The following SASH1 variants were observed in gnomAD, a reference collection of about 807,000 sequenced individuals.
SASH1 encodes the protein SAM and SH3 domain-containing protein 1.
In SASH1, 44 loss-of-function variants were observed where a neutral mutation model predicts 125.2. That is an observed-to-expected ratio of 0.35 (90% CI 0.28 to 0.45). SASH1 has a LOEUF of 0.45. SASH1 is among the 20% of genes least tolerant of loss of function. The probability of loss-of-function intolerance (pLI) is 1.00; values close to 1 mark genes in which losing one functional copy is unlikely to be tolerated. For missense variants in SASH1, 1,426 were observed against 1,614.5 expected (o/e 0.88, Z 2.00); for synonymous variants, 639 against 649.1 (o/e 0.98, Z 0.24).
chr6:148,442,512 C>T (rs1162545450), intron 4 of SASH1, among the ~76,000 whole-genome samples: 1 of 151,990 alleles, frequency 6.6e-6, no homozygotes, highest in African/African-American at 2.4e-5. Flanking sequence ...TTTGCACACT[C>T]CTGAGCTTTC....
chr6:148,347,699 G>A (rs749124105), intron 1 of SASH1, among the ~76,000 whole-genome samples: 4 of 152,128 alleles, frequency 2.6e-5, no homozygotes, highest in Non-Finnish European at 4.4e-5. Flanking sequence ...TTACGTCTTG[G>A]AATTTGAGAG....
intron 2 of SASH1, among the ~76,000 whole-genome samples, chr6:148,418,074 TG>T (rs1326414474): frequency 6.6e-6 from 1 of 152,164 alleles, no homozygotes; most frequent in Non-Finnish European, 1.5e-5. Context: ...AGTGGGCACT[TG>T]GTGAATACTT....
chr6:148,447,404 G>A (rs756932702), intron 4 of SASH1, among the ~76,000 whole-genome samples: 4 of 152,130 alleles, frequency 2.6e-5, no homozygotes, highest in Non-Finnish European at 5.9e-5. Context: ...TTCGCTCTCA[G>A]GTATGTTTTA....
chr6:148,536,497 G>T (rs987848022), intron 16 of SASH1, among the ~76,000 whole-genome samples: 4 of 152,094 alleles, frequency 2.6e-5, no homozygotes, highest in Admixed American at 2.6e-4. Context: ...GCACCACTAC[G>T]CATGGCTAAT....
intron 4 of SASH1, among the ~76,000 whole-genome samples, chr6:148,445,498 T>G (rs541088430): frequency 1.5e-3 from 228 of 152,272 alleles, no homozygotes; most frequent in Middle Eastern, 0.01. Flanking sequence ...AACAAATGAG[T>G]TTAGCTACGA....
At chr6:148,507,928 A>G (rs1046718245) in intron 8 of SASH1, among the ~76,000 whole-genome samples, 1 of 152,230 alleles carries the variant, frequency 6.6e-6, no homozygotes, top group African/African-American at 2.4e-5. Flanking sequence ...AGCCCACGTC[A>G]TGGAGACTTT....
chr6:148,331,348 A>G (rs1780990129), intron 1 of SASH1, among the ~76,000 whole-genome samples: 1 of 151,090 alleles, frequency 6.6e-6, no homozygotes, highest in Admixed American at 6.6e-5. Flanking sequence ...TGTTTGTTTG[A>G]GACTGGAGTC....
At chr6:148,505,575 T>G (rs1316714263) in intron 8 of SASH1, among the ~76,000 whole-genome samples, 1 of 152,020 alleles carries the variant, frequency 6.6e-6, no homozygotes, top group Non-Finnish European at 1.5e-5. Context: ...CCTCCCAAAG[T>G]GCTGGGATTA....
At chr6:148,422,731 A>G (rs1307238160) in intron 2 of SASH1, among the ~76,000 whole-genome samples, 2 of 151,804 alleles carry the variant, frequency 1.3e-5, no homozygotes, top group Non-Finnish European at 2.9e-5. Context: ...CTATACAAGA[A>G]CAGAAACATG....
At chr6:148,420,166 A>G (rs1784996600) in intron 2 of SASH1, among the ~76,000 whole-genome samples, 1 of 152,210 alleles carries the variant, frequency 6.6e-6, no homozygotes, top group Non-Finnish European at 1.5e-5. Flanking sequence ...TATGTCATGG[A>G]CCTTCTATAT....
At chr6:148,265,360 G>A in the SASH1 span, among the ~76,000 whole-genome samples, 40 of 151,588 alleles carry the variant, frequency 2.6e-4, no homozygotes, top group Non-Finnish European at 4.9e-4. Flanking sequence ...AGGGAAGGAG[G>A]GACGGAGGGA....
the SASH1 span, among the ~76,000 whole-genome samples, chr6:148,205,155 G>A: frequency 1.3e-5 from 2 of 152,226 alleles, no homozygotes; most frequent in African/African-American, 4.8e-5. Context: ...AGTTATAATG[G>A]GGCGATTTAT....
intron 16 of SASH1, among the ~76,000 whole-genome samples, chr6:148,536,985 A>G (rs79894387): frequency 0.037 from 5,570 of 152,312 alleles, 135 homozygotes; most frequent in African/African-American, 0.059. Context: ...AAAGGCTTCA[A>G]GGTTCCAGAG....
At chr6:148,498,087 G>A (rs909914810) in intron 8 of SASH1, among the ~76,000 whole-genome samples, 2 of 151,846 alleles carry the variant, frequency 1.3e-5, no homozygotes, top group African/African-American at 4.8e-5. Flanking sequence ...GGCCTTCCTC[G>A]ACATATCAAA....
At chr6:148,311,012 C>G (rs1220971056) in intron 1 of SASH1, among the ~76,000 whole-genome samples, 1 of 152,036 alleles carries the variant, frequency 6.6e-6, no homozygotes, top group Non-Finnish European at 1.5e-5. Context: ...CTCCTGGGCT[C>G]AAGTGATCCT....
At chr6:148,527,295 CAA>C (rs1781235490) in intron 11 of SASH1, 156 bp from the exon 12 acceptor site, 2 of 587,272 alleles carry the variant, frequency 3.4e-6, no homozygotes, top group African/African-American at 3.9e-5. Flanking sequence ...AATTTTTAAT[CAA>C]AGAGATAAAT....
chr6:148,453,251 G>T (rs769121123), intron 4 of SASH1, among the ~76,000 whole-genome samples: 3 of 152,218 alleles, frequency 2.0e-5, no homozygotes, highest in Non-Finnish European at 4.4e-5. Flanking sequence ...ATTGTTTAAT[G>T]TACGGAGGTG....
chr6:148,378,985 G>A (rs1783024199), intron 1 of SASH1, among the ~76,000 whole-genome samples: 1 of 152,204 alleles, frequency 6.6e-6, no homozygotes. Flanking sequence ...GAGGGACAAG[G>A]CACTATCAAT....
intron 2 of SASH1, among the ~76,000 whole-genome samples, chr6:148,404,939 G>A (rs746531775): frequency 1.5e-4 from 23 of 151,586 alleles, no homozygotes; most frequent in Non-Finnish European, 2.6e-4. Context: ...GCAAGGAGCT[G>A]CAGAATAGCA....
Sources: allele counts gnomAD v4.1 joint callset (sites outside exome capture counted in the v4.1 genomes callset), GRCh38; gene constraint gnomAD v4.1.1; transcripts MANE v1.5; gene names NCBI Gene and HGNC (gene_info 2026-07-23, HGNC 2026-07-21).